MTRF1: variants seen among roughly 807,000 people sequenced by gnomAD.
MTRF1 encodes the protein mitochondrial translation release factor 1.
MTRF1 carries 51 observed loss-of-function variants against 62.9 expected under a neutral mutation model. The ratio of observed to expected loss-of-function variants is 0.81; its 90% CI spans 0.65 to 1.02. MTRF1 has a LOEUF of 1.02. MTRF1 is among the 50% of genes least tolerant of loss of function. The probability of loss-of-function intolerance (pLI) is 0.00; values close to 1 mark genes in which losing one functional copy is unlikely to be tolerated. For missense variants in MTRF1, 446 were observed against 530.0 expected, an observed-to-expected ratio of 0.84 and a Z score of 1.56; for synonymous variants, 158 against 181.9, an observed-to-expected ratio of 0.87 and a Z score of 1.06.
At position 41,250,759 on chromosome 13, in the gene MTRF1, C is replaced by A. The variant is rs9532753; in HGVS notation, c.697+1886G>T. On this transcript the variant is annotated intron_variant, in intron 5 of 9. Transcript: ENST00000379480. ...GGGATTATAGGCGTGAGCCACTGTGCCCAGCCTATTTACTGACTATTTCTA... is the reference window on the plus strand; with the variant it reads ...GGGATTATAGGCGTGAGCCACTGTGACCAGCCTATTTACTGACTATTTCTA... Among the ~76,000 whole-genome samples the A allele has an allele frequency of 3.7e-3, 566 of 152,334 alleles. 4 individuals are homozygous for A. The highest frequency in any genetic ancestry group is 6.4e-3 in the Non-Finnish European group (433 of 68,028).
the MTRF1 span, among the ~76,000 whole-genome samples, chr13:41,281,387 T>G: frequency 1.3e-5 from 2 of 152,158 alleles, no homozygotes; most frequent in Non-Finnish European, 2.9e-5. Context: ...TTGTTTTTTT[T>G]TTTAAATAGC....
chr13:41,234,285 C>A (rs2036101994), intron 6 of MTRF1, among the ~76,000 whole-genome samples: 1 of 152,176 alleles, frequency 6.6e-6, no homozygotes, highest in Non-Finnish European at 1.5e-5. Flanking sequence ...TTAAGTGATC[C>A]TCCTGCCTCA....
chr13:41,286,084 A>AC, the MTRF1 span, among the ~76,000 whole-genome samples: 1 of 108,450 alleles, frequency 9.2e-6, no homozygotes, highest in African/African-American at 3.8e-5. Context: ...AACAACAACA[A>AC]CAACAAAAAA....
At chr13:41,311,659 G>A in the MTRF1 span, 2 of 1,373,486 alleles carry the variant, frequency 1.5e-6, no homozygotes, top group South Asian at 1.3e-5. Context: ...TCTGGCGGCG[G>A]CCGGCGCGGG....
chr13:41,282,396 G>T, the MTRF1 span, among the ~76,000 whole-genome samples: 25 of 152,304 alleles, frequency 1.6e-4, 1 homozygote, highest in East Asian at 4.6e-3. Context: ...GATTGAGGCT[G>T]CAGTGAGATG....
At chr13:41,270,598 G>A in the MTRF1 span, among the ~76,000 whole-genome samples, 1 of 152,052 alleles carries the variant, frequency 6.6e-6, no homozygotes, top group African/African-American at 2.4e-5. Flanking sequence ...AACAACTTAG[G>A]TGAAAATCAA....
chr13:41,259,628 G>C (rs916291913), intron 2 of MTRF1, among the ~76,000 whole-genome samples: 8 of 150,206 alleles, frequency 5.3e-5, no homozygotes, highest in African/African-American at 2.0e-4. Flanking sequence ...CGTGAACCCG[G>C]GAGGCGGAGC....
chr13:41,296,400 C>G, the MTRF1 span, among the ~76,000 whole-genome samples: 7 of 152,160 alleles, frequency 4.6e-5, no homozygotes, highest in Admixed American at 4.6e-4. Flanking sequence ...TCAAATGTTT[C>G]AAACCTTTTG....
At chr13:41,234,098 T>C (rs2036069122) in intron 6 of MTRF1, 91 bp from the exon 7 acceptor site, 1 of 1,004,856 alleles carries the variant, frequency 1.0e-6, no homozygotes, top group Non-Finnish European at 1.5e-6. Context: ...TGTATTGTTT[T>C]AAGATAAATT....
At chr13:41,286,990 C>T in the MTRF1 span, among the ~76,000 whole-genome samples, 28 of 152,130 alleles carry the variant, frequency 1.8e-4, no homozygotes, top group Non-Finnish European at 3.7e-4. Context: ...TTAGAAACTA[C>T]AGTTTTCCCA....
At chr13:41,248,505 C>T (rs1455786206) in intron 5 of MTRF1, among the ~76,000 whole-genome samples, 2 of 152,122 alleles carry the variant, frequency 1.3e-5, no homozygotes, top group African/African-American at 4.8e-5. Flanking sequence ...CCAGTTGGCC[C>T]CTGCCACCCT....
chr13:41,245,386 G>A (rs149130189), intron 5 of MTRF1, among the ~76,000 whole-genome samples: 126 of 152,092 alleles, frequency 8.3e-4, no homozygotes, highest in African/African-American at 2.9e-3. Context: ...GACTACAGAC[G>A]TGTGCCACCA....
upstream of MTRF1, among the ~76,000 whole-genome samples, chr13:41,264,755 A>T (rs2139241908): frequency 6.6e-6 from 1 of 152,320 alleles, no homozygotes; most frequent in African/African-American, 2.4e-5. Context: ...TAAAGTAACT[A>T]CTCCAAGGTA....
At position 41,256,613 on chromosome 13, in the gene MTRF1, C is replaced by T. The variant is rs148687903; in HGVS notation, c.416-1993G>A. On this transcript the variant is annotated intron_variant, in intron 2 of 9. Coordinates refer to ENST00000379480, the MANE Select transcript of MTRF1 (RefSeq NM_004294.4). The stretch of plus-strand genomic sequence containing the variant: ...TACTGGGATTACAGGCATGAGCCAC[C>T]GCACCCGGCCTGTTGTAGAATTTTA... 2.8e-3 allele frequency among the ~76,000 whole-genome samples: 433 copies of T among 152,224 alleles called. 1 individual carries two copies. Among genetic ancestry groups the T allele is most frequent in the African/African-American group, 9.9e-3 (411 of 41,528 alleles).
chr13:41,301,430 A>G, the MTRF1 span, among the ~76,000 whole-genome samples: 1 of 152,034 alleles, frequency 6.6e-6, no homozygotes, highest in Non-Finnish European at 1.5e-5. Flanking sequence ...TTGACTTGGG[A>G]GGTGGGAGGC....
chr13:41,263,808 G>C (rs2040732001), upstream of MTRF1, among the ~76,000 whole-genome samples: 1 of 147,078 alleles, frequency 6.8e-6, no homozygotes, highest in South Asian at 2.1e-4. Flanking sequence ...GATGGTGGGA[G>C]GGAGGGAGGG....
chr13:41,220,878 T>C (rs912606250), intron 9 of MTRF1, among the ~76,000 whole-genome samples: 1 of 152,144 alleles, frequency 6.6e-6, no homozygotes, highest in African/African-American at 2.4e-5. Context: ...AGAAACTCAC[T>C]GGCTAGGACT....
intron 2 of MTRF1, among the ~76,000 whole-genome samples, chr13:41,259,742 G>A (rs2040216387): frequency 7.8e-6 from 1 of 128,386 alleles, no homozygotes; most frequent in Non-Finnish European, 1.7e-5. Context: ...AAAAATAAAA[G>A]CTTCCTTCCT....
the MTRF1 span, among the ~76,000 whole-genome samples, chr13:41,270,878 CAGGCA>C: frequency 3.9e-5 from 6 of 152,018 alleles, no homozygotes; most frequent in Admixed American, 2.0e-4. Flanking sequence ...GCTGGGATTA[CAGGCA>C]TGCGCCACCA....
Sources: allele counts gnomAD v4.1 joint callset (sites outside exome capture counted in the v4.1 genomes callset), GRCh38; gene constraint gnomAD v4.1.1; transcripts MANE v1.5; gene names NCBI Gene and HGNC (gene_info 2026-07-23, HGNC 2026-07-21).